The following ANK1 variants were observed in gnomAD, a reference collection of about 807,000 sequenced individuals.
ANK1 encodes the protein ankyrin 1, also known as ankyrin-1.
ANK1 carries 51 observed loss-of-function variants against 210.4 expected under a neutral mutation model. That is an observed-to-expected ratio of 0.24 (90% CI 0.19 to 0.31). The LOEUF (loss-of-function observed/expected upper bound fraction) is 0.31, where lower values mean the gene tolerates loss of function less well. Among genes scored for constraint, ANK1 ranks in the 10% least tolerant of loss-of-function variants. ANK1 has a pLI of 1.00. For missense variants in ANK1, 2,051 were observed against 2,504.4 expected (o/e 0.82, Z 3.86); for synonymous variants, 967 against 1,025.9 (o/e 0.94, Z 1.10).
Position 41,766,672 on chromosome 8 carries a change from C to T in ANK1, c.28-8535G>A, listed in dbSNP as rs144588302. ...GAAGACCTGGCTGAGATGCACTGCT[C>T]GACCACTTGATGCTGTGCTCATCTA... On this transcript the variant is annotated intron_variant, in intron 1 of 42. Coordinates refer to ENST00000289734, the MANE Select transcript of ANK1 (RefSeq NM_000037.4). 5.6e-3 allele frequency among the ~76,000 whole-genome samples: 849 copies of T among 152,258 alleles called. 8 individuals carry two copies. Among genetic ancestry groups the T allele is most frequent in the Non-Finnish European group, 7.9e-3 (538 of 68,012 alleles).
At chr8:41,671,617 C>T (rs867146706) in intron 38 of ANK1, among the ~76,000 whole-genome samples, 18 of 129,934 alleles carry the variant, frequency 1.4e-4, no homozygotes, top group Admixed American at 2.4e-4. Flanking sequence ...CTAAGTGAGA[C>T]CTCCCGGCAC....
chr8:41,706,541 T>C (rs186327733), intron 17 of ANK1, among the ~76,000 whole-genome samples: 30 of 152,370 alleles, frequency 2.0e-4, no homozygotes, highest in Non-Finnish European at 3.8e-4. Flanking sequence ...TAAAACTTTA[T>C]TTACACAAAC....
intron 39 of ANK1, among the ~76,000 whole-genome samples, chr8:41,666,719 T>C (rs960112473): frequency 1.2e-4 from 18 of 152,236 alleles, no homozygotes; most frequent in African/African-American, 4.1e-4. Context: ...GCCTGTGAGA[T>C]GGGCACCGGC....
intron 1 of ANK1, among the ~76,000 whole-genome samples, chr8:41,777,690 G>A (rs968483450): frequency 2.6e-5 from 4 of 152,154 alleles, no homozygotes; most frequent in Non-Finnish European, 5.9e-5. Context: ...CCATGAATTC[G>A]TGAAGTGAAG....
In ANK1 at chr8:41,670,822, C is replaced by T. The variant is rs933868214; in HGVS notation, c.5096+1532G>A. Among the ~76,000 whole-genome samples, 7 of 152,336 alleles carry T rather than the reference C, an allele frequency of 4.6e-5. No individual in the cohort carries two copies. In the South Asian group the frequency reaches 1.4e-3, roughly 32 times the overall value. On this transcript the variant is annotated intron_variant, in intron 38 of 42. Transcript: ENST00000289734. ...AGCTCCTTGGGGTGGGGGCCTGGAA[C>T]AGCTGCCTGGGGGCACAAGAACCAT... is the stretch of plus-strand genomic sequence containing the variant.
intron 1 of ANK1, among the ~76,000 whole-genome samples, chr8:41,767,718 C>T (rs554881692): frequency 6.6e-6 from 1 of 152,200 alleles, no homozygotes; most frequent in African/African-American, 2.4e-5. Flanking sequence ...CCGGCGGGCT[C>T]GGGGCGGGCG....
At chr8:41,724,341 G>A in intron 7 of ANK1, 115 bp downstream of exon 7, 2 of 882,776 alleles carry the variant, frequency 2.3e-6, no homozygotes, top group South Asian at 2.8e-5. Context: ...CAGACAGCAG[G>A]GCTGTTTAAC....
At chr8:41,672,286 C>T in intron 38 of ANK1, 68 bp downstream of exon 38, 1 of 1,558,880 alleles carries the variant, frequency 6.4e-7, no homozygotes, top group Non-Finnish European at 8.8e-7. Flanking sequence ...GTCCTCACTG[C>T]CAGGCATAAT....
intron 16 of ANK1, among the ~76,000 whole-genome samples, chr8:41,711,573 C>A (rs571479028): frequency 6.6e-6 from 1 of 152,246 alleles, no homozygotes; most frequent in East Asian, 1.9e-4. Flanking sequence ...GTGAACAGAC[C>A]CTTCTCTCAA....
Position 41,820,052 on chromosome 8 carries a change from C to T in ANK1, c.127-61915G>A, listed in dbSNP as rs980577325. Among the ~76,000 whole-genome samples the T allele has an allele frequency of 8.5e-5, 13 of 152,212 alleles. 1 individual carries two copies. The highest frequency in any genetic ancestry group is 2.0e-4 in the Admixed American group (3 of 15,278). On this transcript the variant is annotated intron_variant, in intron 1 of 42. Transcript: ENST00000265709. ...AAGACACAGGCAGGAAAACAATGAC[C>T]ATCTCTGGGAGGGAGAGAGTCAGAA...
rs369725661 is a variant in ANK1, at chr8:41,879,729, C to G, written c.126+16626G>C. Among the ~76,000 whole-genome samples, 32 of 152,340 alleles carry G rather than the reference C, an allele frequency of 2.1e-4. 1 individual carries two copies. The highest frequency in any genetic ancestry group is 7.2e-4 in the African/African-American group (30 of 41,582). ...GGACCAACAACCAGCGCAGCCCGCT[C>G]AGACCTTGGTCAAAGCAACACTCCC... On this transcript the variant is annotated intron_variant, in intron 1 of 42. Transcript: ENST00000265709.
intron 1 of ANK1, among the ~76,000 whole-genome samples, chr8:41,816,758 C>T (rs930787297): frequency 1.3e-5 from 2 of 152,126 alleles, no homozygotes; most frequent in South Asian, 2.1e-4. Flanking sequence ...CAAATTTTAT[C>T]GGTTACATGA....
chr8:41,894,845 C>T (rs1038738041), intron 1 of ANK1, among the ~76,000 whole-genome samples: 8 of 151,956 alleles, frequency 5.3e-5, no homozygotes, highest in African/African-American at 1.7e-4. Flanking sequence ...GAGGGACCTG[C>T]GGAGATTCTC....
At chr8:41,843,686 C>T (rs1809468950) in intron 1 of ANK1, among the ~76,000 whole-genome samples, 1 of 152,182 alleles carries the variant, frequency 6.6e-6, no homozygotes, top group Non-Finnish European at 1.5e-5. Context: ...CACCAAACCC[C>T]ACAATGCCAG....
intron 1 of ANK1, among the ~76,000 whole-genome samples, chr8:41,839,243 G>A (rs769513907): frequency 6.6e-6 from 1 of 152,164 alleles, no homozygotes; most frequent in Non-Finnish European, 1.5e-5. Flanking sequence ...AGATAGTACT[G>A]ACCCTGTGCC....
Position 41,717,634 on chromosome 8 carries a change from C to T in ANK1, c.1275G>A (p.Gln425=), listed in dbSNP as rs894123455. 4 of 1,551,650 alleles carry T rather than the reference C, an allele frequency of 2.6e-6. No individual in the cohort carries two copies. Among genetic ancestry groups the T allele is most frequent in the East Asian group, 2.4e-5 (1 of 40,914 alleles). ...TGGAGACGTTGGGCGACGCCCCCCG[C>T]TGCAGGAGGTTCTTCACGATGGGAA... ...GHLPIVKNLL[Q]RGASPNVSNV... is the part of the protein sequence containing the mutation. The change falls in exon 12 of 43, where the codon CAG becomes CAA. Residue 425 remains glutamine, a synonymous_variant. Coordinates refer to ENST00000289734, the MANE Select transcript of ANK1 (RefSeq NM_000037.4).
chr8:41,750,609 G>A (rs1034592090), intron 2 of ANK1, among the ~76,000 whole-genome samples: 5 of 151,698 alleles, frequency 3.3e-5, no homozygotes, highest in African/African-American at 7.3e-5. Flanking sequence ...TTATGAGCAC[G>A]TGCTATAGGT....
intron 1 of ANK1, among the ~76,000 whole-genome samples, chr8:41,776,356 G>A (rs919587618): frequency 6.6e-6 from 1 of 152,144 alleles, no homozygotes; most frequent in Non-Finnish European, 1.5e-5. Flanking sequence ...AGGGTTTAAT[G>A]AGCGGGGATC....
chr8:41,797,770 A>C, upstream of ANK1: 1 of 544,840 alleles, frequency 1.8e-6, no homozygotes, highest in Non-Finnish European at 3.0e-6. This position sits in a 1 kb window ranked among gnomAD's most constrained non-coding sequence, Gnocchi z 4.0. Context: ...TCCTCCCCCA[A>C]CCCCAGGAGG....
Sources: allele counts gnomAD v4.1 joint callset (sites outside exome capture counted in the v4.1 genomes callset), GRCh38; gene constraint gnomAD v4.1.1; non-coding constraint Gnocchi (gnomAD v3.1); transcripts MANE v1.5; gene names NCBI Gene and HGNC (gene_info 2026-07-23, HGNC 2026-07-21).